Variants in POT1 observed in about 807,000 individuals in gnomAD.
POT1 encodes protection of telomeres protein 1.
A neutral mutation model predicts 78.5 loss-of-function variants in POT1; 47 were observed. That is an observed-to-expected ratio of 0.60 (90% confidence interval 0.47 to 0.76). The LOEUF (loss-of-function observed/expected upper bound fraction) is 0.76, where lower values mean the gene tolerates loss of function less well. Among genes scored for constraint, POT1 ranks in the 30% least tolerant of loss-of-function variants. POT1 has a pLI of 0.00. For synonymous variants in POT1, 259 were observed against 260.7 expected (o/e 0.99, Z 0.06); for missense variants, 646 against 749.9 (o/e 0.86, Z 1.62).
At chr7:124,872,650 T>C (rs1003318205) in intron 6 of POT1, among the ~76,000 whole-genome samples, 1 of 152,184 alleles carries the variant, frequency 6.6e-6, no homozygotes, top group Non-Finnish European at 1.5e-5. Flanking sequence ...GAAAACAGTA[T>C]ATACAGGGTT....
At chr7:124,868,417 A>C (rs988732449) in intron 7 of POT1, among the ~76,000 whole-genome samples, 1 of 152,204 alleles carries the variant, frequency 6.6e-6, no homozygotes, top group Non-Finnish European at 1.5e-5. Flanking sequence ...ATTGCCTTAA[A>C]TTATTAAGCA....
chr7:124,863,449 T>C lies in POT1; in HGVS notation c.447A>G (p.Thr149=), dbSNP rs1469228736. 3 of 1,613,862 alleles carry C rather than the reference T, an allele frequency of 1.9e-6. No individual in the cohort carries two copies. Among genetic ancestry groups the C allele is most frequent in the Non-Finnish European group, 2.5e-6 (3 of 1,179,908 alleles). Residue 149 remains threonine (T), a synonymous_variant, in exon 8 of 19, where the codon ACA becomes ACG. Coordinates refer to ENST00000357628, the MANE Select transcript of POT1 (RefSeq NM_015450.3). ...GCTGAACATCACACAATTTTAGTAATGTCCAAGACGGTGACATATGAGTAG... is the reference window on the plus strand; with the variant it reads ...GCTGAACATCACACAATTTTAGTAACGTCCAAGACGGTGACATATGAGTAG... ...WASTHMSPSW[T]LLKLCDVQPM... is the part of the protein sequence containing the mutation.
intron 15 of POT1, among the ~76,000 whole-genome samples, chr7:124,831,158 A>G (rs764981095): frequency 6.6e-6 from 1 of 152,210 alleles, no homozygotes; most frequent in Non-Finnish European, 1.5e-5. Context: ...GCCAAGTATC[A>G]GACAGAAATA....
chr7:124,904,703 A>G lies in POT1; in HGVS notation c.-153-6329T>C, dbSNP rs1796715504. Among the ~76,000 whole-genome samples, 5 of 152,170 alleles carry G rather than the reference A, an allele frequency of 3.3e-5. No individual in the cohort carries two copies. The South Asian group carries it at 1.0e-3, about 32-fold the overall frequency. On this transcript the variant is annotated intron_variant, in intron 3 of 18. Transcript: ENST00000357628. The stretch of plus-strand genomic sequence containing the variant: ...TTCAAGTAGAAAAACAGGAAGTCAA[A>G]TTGTCCCTGTTTGCAGATGACATGA...
chr7:124,891,711 G>A (rs552022256), intron 6 of POT1, among the ~76,000 whole-genome samples: 1 of 151,098 alleles, frequency 6.6e-6, no homozygotes, highest in Admixed American at 6.6e-5. Flanking sequence ...GGTTACCATG[G>A]GGTTTACATA....
chr7:124,829,224 A>G, intron 16 of POT1, 30 bp downstream of exon 16: 1 of 1,457,456 alleles, frequency 6.9e-7, no homozygotes. Context: ...ACAAACAGTT[A>G]AAATTGCAGG....
Position 124,851,773 on chromosome 7 carries a change from TA to T in POT1, c.949+98del, listed in dbSNP as rs1795311616. The T allele has an allele frequency of 2.4e-5, 21 of 883,804 alleles. 1 individual carries two copies. In the South Asian group the frequency reaches 3.1e-4, roughly 13 times the overall value. 54.7% of individuals were successfully genotyped at this position (883,804 alleles called of 1,614,324 possible). On this transcript the variant is annotated intron_variant, in intron 11 of 18. Transcript: ENST00000357628. The stretch of plus-strand genomic sequence containing the variant: ...ATGTTCCTCTACTACATGAAATTAT[TA>T]ATAAGAGAGACAAAGAGAAGACATT...
At chr7:124,920,954 G>A (rs960623179) in intron 2 of POT1, among the ~76,000 whole-genome samples, 19 of 152,070 alleles carry the variant, frequency 1.2e-4, no homozygotes, top group African/African-American at 4.6e-4. Context: ...TTAATTAGCT[G>A]GGCGTGGTGG....
At chr7:124,927,380 A>G (rs931199504) in intron 2 of POT1, among the ~76,000 whole-genome samples, 106 of 152,200 alleles carry the variant, frequency 7.0e-4, no homozygotes, top group African/African-American at 2.5e-3. Flanking sequence ...TAGACCTTGA[A>G]TAAATCACTT....
chr7:124,826,729 G>A (rs1241021264), intron 17 of POT1, among the ~76,000 whole-genome samples: 1 of 152,264 alleles, frequency 6.6e-6, no homozygotes, highest in South Asian at 2.1e-4. Context: ...AATTAGCTGG[G>A]CGTGGTGGTG....
rs1375166925 is a variant in POT1, at chr7:124,846,821, A to AT, written c.1006+120dup. The AT allele has an allele frequency of 2.5e-5, 16 of 638,220 alleles. No individual in the cohort carries two copies. The East Asian group carries it at 4.6e-4, about 18-fold the overall frequency. The allele number at this position is 638,220 out of a possible 1,614,324, so 39.5% of individuals were successfully genotyped here. A position where few individuals can be genotyped will look rare whatever the true frequency, so the allele number is the denominator to read the frequency against. On this transcript the variant is annotated intron_variant, in intron 12 of 18. Transcript: ENST00000357628. ...GAAGAAGAAAGTTAAATATGGACAT[A>AT]TTTTAGCTTTAAAGGATATGTGTTC...
At chr7:124,872,939 T>C (rs1402073578) in intron 6 of POT1, among the ~76,000 whole-genome samples, 2 of 152,240 alleles carry the variant, frequency 1.3e-5, no homozygotes, top group Non-Finnish European at 2.9e-5. Context: ...TTAGTGATGT[T>C]GAACATCTTT....
At chr7:124,870,765 G>T in intron 7 of POT1, 146 bp downstream of exon 7, 2 of 517,420 alleles carry the variant, frequency 3.9e-6, no homozygotes, top group Non-Finnish European at 5.9e-6. Context: ...TTTGAAGTCT[G>T]ATAATATTTA....
intron 6 of POT1, among the ~76,000 whole-genome samples, chr7:124,882,408 T>C (rs1361323149): frequency 6.6e-6 from 1 of 152,022 alleles, no homozygotes; most frequent in African/African-American, 2.4e-5. Flanking sequence ...AATACAAAAA[T>C]AAGAGCACTC....
chr7:124,899,708 C>T lies in POT1; in HGVS notation c.-153-1334G>A, dbSNP rs1291538086. 4.0e-5 allele frequency among the ~76,000 whole-genome samples: 6 copies of T among 150,464 alleles called. No individual in the cohort carries two copies. The Admixed American group carries it at 4.0e-4, about 10-fold the overall frequency. ...CGGAAGATAAACAGAAGTAGGGAAG[C>T]CAACAGTTTATCAGTTCTAAATTAT... On this transcript the variant is annotated intron_variant, in intron 3 of 18. Transcript: ENST00000357628.
intron 15 of POT1, among the ~76,000 whole-genome samples, chr7:124,833,902 A>G (rs2116439242): frequency 6.6e-6 from 1 of 152,344 alleles, no homozygotes; most frequent in South Asian, 2.1e-4. Context: ...ACTAATAAAA[A>G]TTACTCTTCA....
At chr7:124,835,093 G>C (rs1294121290) in intron 15 of POT1, among the ~76,000 whole-genome samples, 186 bp downstream of exon 15, 2 of 152,244 alleles carry the variant, frequency 1.3e-5, no homozygotes, top group African/African-American at 4.8e-5. Context: ...GGGCCTGTCA[G>C]GGGGTGGGAG....
chr7:124,830,575 A>G (rs1232339781), intron 15 of POT1, among the ~76,000 whole-genome samples: 1 of 152,128 alleles, frequency 6.6e-6, no homozygotes, highest in Non-Finnish European at 1.5e-5. Flanking sequence ...AATTAAGGAT[A>G]TTAAGTCAAA....
chr7:124,863,710 A>T (rs941464111), intron 7 of POT1, 70 bp from the exon 8 acceptor site: 32 of 1,184,778 alleles, frequency 2.7e-5, no homozygotes, highest in Admixed American at 7.0e-5. Context: ...CCTACGAACC[A>T]AAGAAACTGG....
Sources: gnomAD v4.1 joint callset for allele counts (sites outside exome capture counted in the v4.1 genomes callset) on GRCh38, gnomAD v4.1.1 for gene constraint, MANE v1.5 for transcripts, NCBI Gene and HGNC (gene_info 2026-07-23, HGNC 2026-07-21) for gene names.